GUCY1A2: variants seen among roughly 807,000 people sequenced by gnomAD.
GUCY1A2 encodes guanylate cyclase 1 soluble subunit alpha 2, also known as guanylate cyclase soluble subunit alpha-2.
A neutral mutation model predicts 63.5 loss-of-function variants in GUCY1A2; 27 were observed. That is an observed-to-expected ratio of 0.43 (90% CI 0.31 to 0.59). GUCY1A2 has a LOEUF of 0.59. Ranked by LOEUF, GUCY1A2 falls within the 20% of genes least tolerant of loss-of-function variation. The probability of loss-of-function intolerance (pLI) is 0.11; values close to 1 mark genes in which losing one functional copy is unlikely to be tolerated. For synonymous variants in GUCY1A2, 364 were observed against 343.5 expected, an observed-to-expected ratio of 1.06 and a Z score of -0.66; for missense variants, 768 against 913.3, an observed-to-expected ratio of 0.84 and a Z score of 2.05.
chr11:106,895,087 T>C (rs570426039), intron 4 of GUCY1A2, among the ~76,000 whole-genome samples: 142 of 151,954 alleles, frequency 9.3e-4, no homozygotes, highest in African/African-American at 3.2e-3. Flanking sequence ...ATGCATTCTC[T>C]GGACATTACA....
At chr11:106,728,969 A>C (rs994628906) in intron 6 of GUCY1A2, among the ~76,000 whole-genome samples, 1 of 152,136 alleles carries the variant, frequency 6.6e-6, no homozygotes, top group South Asian at 2.1e-4. Context: ...GATTTACTTC[A>C]TTTAATATTG....
intron 4 of GUCY1A2, among the ~76,000 whole-genome samples, chr11:106,923,581 A>T (rs1860478238): frequency 6.6e-6 from 1 of 150,918 alleles, no homozygotes; most frequent in African/African-American, 2.4e-5. Context: ...GCAATATTGC[A>T]GCAATTTTTT....
intron 4 of GUCY1A2, among the ~76,000 whole-genome samples, chr11:106,847,345 A>G (rs1416389501): frequency 1.3e-5 from 2 of 151,158 alleles, no homozygotes; most frequent in East Asian, 3.9e-4. Context: ...AAAATGACAT[A>G]TGATAAAATG....
At chr11:106,854,403 G>A (rs141477005) in intron 4 of GUCY1A2, among the ~76,000 whole-genome samples, 84 of 152,324 alleles carry the variant, frequency 5.5e-4, no homozygotes, top group African/African-American at 2.0e-3. Context: ...TAGTGACCAT[G>A]ACAGCAGATG....
intron 5 of GUCY1A2, among the ~76,000 whole-genome samples, chr11:106,794,046 C>G (rs1864710312): frequency 6.6e-6 from 1 of 152,110 alleles, no homozygotes. Flanking sequence ...ATCTGCACTT[C>G]CATGTTCATT....
At chr11:106,737,416 T>C (rs998557509) in intron 6 of GUCY1A2, among the ~76,000 whole-genome samples, 12 of 152,338 alleles carry the variant, frequency 7.9e-5, no homozygotes, top group Admixed American at 6.5e-5. Context: ...TTTTAAATTA[T>C]ACTTTAAGTG....
intron 4 of GUCY1A2, among the ~76,000 whole-genome samples, chr11:106,921,319 T>C (rs563659517): frequency 7.0e-4 from 106 of 152,174 alleles, no homozygotes; most frequent in African/African-American, 2.3e-3. Flanking sequence ...TCCACACTTC[T>C]AACCAACTAG....
At chr11:106,822,820 G>GA (rs912812670) in intron 4 of GUCY1A2, among the ~76,000 whole-genome samples, 4 of 151,810 alleles carry the variant, frequency 2.6e-5, no homozygotes, top group Non-Finnish European at 4.4e-5. Flanking sequence ...CTCTATTAAT[G>GA]AAAAAAAGAC....
chr11:106,979,219 G>A (rs758988738), intron 2 of GUCY1A2, among the ~76,000 whole-genome samples: 1 of 152,236 alleles, frequency 6.6e-6, no homozygotes, highest in Non-Finnish European at 1.5e-5. Flanking sequence ...ACTTTGGGAG[G>A]CCCAGGCGGG....
chr11:106,830,121 T>C (rs112240458), intron 4 of GUCY1A2, among the ~76,000 whole-genome samples: 4,848 of 152,294 alleles, frequency 0.032, 261 homozygotes, highest in African/African-American at 0.11. Context: ...TAAGAAAATA[T>C]CTTCATTTCA....
At chr11:106,981,943 C>T (rs767530281) in intron 2 of GUCY1A2, among the ~76,000 whole-genome samples, 175 of 152,154 alleles carry the variant, frequency 1.2e-3, no homozygotes, top group Non-Finnish European at 2.1e-3. Flanking sequence ...CATTTACTAA[C>T]AGTAGTAATA....
intron 4 of GUCY1A2, among the ~76,000 whole-genome samples, chr11:106,876,819 T>C (rs1047854206): frequency 6.6e-6 from 1 of 152,152 alleles, no homozygotes; most frequent in Non-Finnish European, 1.5e-5. Context: ...TTGCTGATGC[T>C]GGTTTTCCAC....
At position 106,986,206 on chromosome 11, in the gene GUCY1A2, G is replaced by A. The variant is rs982353087; in HGVS notation, c.304-75C>T. ...ATTCCCACTGTGAGTATCGTAGGCA[G>A]ACAGGTGAAGCTTCTGATTTATCTC... On this transcript the variant is annotated intron_variant, in intron 1 of 7. Coordinates refer to ENST00000526355, the MANE Select transcript of GUCY1A2 (RefSeq NM_000855.3). The A allele has an allele frequency of 6.6e-6, 5 of 756,070 alleles. No individual in the cohort carries two copies. The East Asian group carries it at 1.3e-4, about 20-fold the overall frequency. The allele number at this position is 756,070 out of a possible 1,614,324, so 46.8% of individuals were successfully genotyped here.
At chr11:106,865,070 C>T (rs1021100507) in intron 4 of GUCY1A2, among the ~76,000 whole-genome samples, 4 of 151,990 alleles carry the variant, frequency 2.6e-5, no homozygotes, top group East Asian at 3.9e-4. Context: ...GCCTCAATTT[C>T]GGAACTTGTT....
chr11:106,965,106 C>T (rs1343344769), intron 3 of GUCY1A2, among the ~76,000 whole-genome samples: 1 of 151,454 alleles, frequency 6.6e-6, no homozygotes, highest in Admixed American at 6.6e-5. Context: ...AGAGGTGGTT[C>T]TTTTAATGGA....
At chr11:106,721,425 G>A (rs1035838384) in intron 6 of GUCY1A2, among the ~76,000 whole-genome samples, 6 of 152,296 alleles carry the variant, frequency 3.9e-5, no homozygotes, top group Non-Finnish European at 7.3e-5. Context: ...GGACTGTTAT[G>A]TGAAATAAAA....
chr11:106,973,782 A>T (rs1030964019), intron 3 of GUCY1A2, among the ~76,000 whole-genome samples: 1 of 152,178 alleles, frequency 6.6e-6, no homozygotes, highest in Non-Finnish European at 1.5e-5. Context: ...CACCTAAAAA[A>T]GTAAGCAAAC....
rs528248387 is a variant in GUCY1A2 at position 106,927,272 on chromosome 11, T to C, written c.1206+12188A>G. On this transcript the variant is annotated intron_variant, in intron 4 of 7. Coordinates refer to ENST00000526355, the MANE Select transcript of GUCY1A2 (RefSeq NM_000855.3). ...CCTGTAGTCCCAGCTACTCGGGAGGTTGAGGCAGGAGAATGGCACGAACCC... is the reference window on the plus strand; with the variant it reads ...CCTGTAGTCCCAGCTACTCGGGAGGCTGAGGCAGGAGAATGGCACGAACCC... Among the ~76,000 whole-genome samples, 1,084 of 150,868 alleles carry C rather than the reference T, an allele frequency of 7.2e-3. 4 individuals carry two copies. The highest frequency in any genetic ancestry group is 0.011 in the Non-Finnish European group (736 of 67,694).
At chr11:106,762,412 G>A (rs1480084269) in intron 6 of GUCY1A2, among the ~76,000 whole-genome samples, 1 of 152,040 alleles carries the variant, frequency 6.6e-6, no homozygotes, top group Non-Finnish European at 1.5e-5. Flanking sequence ...ATTTAATTCA[G>A]TTTATTGAGC....
Sources: allele counts gnomAD v4.1 joint callset (sites outside exome capture counted in the v4.1 genomes callset), GRCh38; gene constraint gnomAD v4.1.1; transcripts MANE v1.5; gene names NCBI Gene and HGNC (gene_info 2026-07-23, HGNC 2026-07-21).